The following MTSS1 variants were observed in gnomAD, a reference collection of about 807,000 sequenced individuals.
MTSS1 encodes the protein MTSS I-BAR domain containing 1, also known as protein MTSS 1.
MTSS1 carries 18 observed loss-of-function variants against 79.0 expected under a neutral mutation model. The ratio of observed to expected loss-of-function variants is 0.23; its 90% confidence interval spans 0.16 to 0.34. The LOEUF (loss-of-function observed/expected upper bound fraction) is 0.34. Among genes scored for constraint, MTSS1 ranks in the 10% least tolerant of loss-of-function variants. MTSS1 has a pLI of 1.00. For synonymous variants in MTSS1, 341 were observed against 368.6 expected (o/e 0.93, Z 0.86); for missense variants, 815 against 986.2 (o/e 0.83, Z 2.33).
intron 3 of MTSS1, among the ~76,000 whole-genome samples, chr8:124,697,201 C>T (rs1828973454): frequency 6.6e-6 from 1 of 151,822 alleles, no homozygotes; most frequent in Admixed American, 6.6e-5. Context: ...TATCACAGAG[C>T]CTCAAACATG....
At chr8:124,583,803 A>G (rs1363018556) in intron 6 of MTSS1, among the ~76,000 whole-genome samples, 1 of 152,200 alleles carries the variant, frequency 6.6e-6, no homozygotes, top group African/African-American at 2.4e-5. Context: ...TCCGGGCCTC[A>G]GACTTCATGG....
chr8:124,624,770 C>G (rs1373589885), intron 3 of MTSS1, among the ~76,000 whole-genome samples: 4 of 152,172 alleles, frequency 2.6e-5, no homozygotes, highest in African/African-American at 7.2e-5. Context: ...AAATGCGAAA[C>G]TGAAGCTGAC....
Position 124,723,005 on chromosome 8 carries a change from A to G in MTSS1, c.72+4879T>C, listed in dbSNP as rs114179910. ...AAGCATCTAATGAATCAATAGTTTCAACCTTTTCACCCTCCAAGCATTTTA... is the reference window on the plus strand; with the variant it reads ...AAGCATCTAATGAATCAATAGTTTCGACCTTTTCACCCTCCAAGCATTTTA... On this transcript the variant is annotated intron_variant, in intron 1 of 13. Transcript: ENST00000518547. Among the ~76,000 whole-genome samples the G allele has an allele frequency of 5.4e-3, 830 of 152,332 alleles. 7 individuals are homozygous for G. Among genetic ancestry groups the G allele is most frequent in the African/African-American group, 0.016 (646 of 41,568 alleles).
At chr8:124,692,328 AG>A (rs1200015939) in intron 3 of MTSS1, among the ~76,000 whole-genome samples, 1 of 152,088 alleles carries the variant, frequency 6.6e-6, no homozygotes, top group Admixed American at 6.5e-5. Flanking sequence ...AATTTATCAA[AG>A]TATCATATGT....
At chr8:124,627,458 T>C (rs1814926656) in intron 3 of MTSS1, among the ~76,000 whole-genome samples, 1 of 152,208 alleles carries the variant, frequency 6.6e-6, no homozygotes, top group Non-Finnish European at 1.5e-5. Context: ...TGATCCACAG[T>C]CACAAAGGGA....
chr8:124,626,685 C>T (rs1563888546), intron 3 of MTSS1, among the ~76,000 whole-genome samples: 2 of 151,752 alleles, frequency 1.3e-5, no homozygotes, highest in South Asian at 2.1e-4. Flanking sequence ...GAGGTGCACC[C>T]GGTCATGGGA....
At chr8:124,599,509 G>C (rs1833397824) in intron 3 of MTSS1, among the ~76,000 whole-genome samples, 1 of 149,024 alleles carries the variant, frequency 6.7e-6, no homozygotes, top group South Asian at 2.1e-4. Context: ...AAAAGAGAGA[G>C]AGAAAGAAAA....
intron 3 of MTSS1, among the ~76,000 whole-genome samples, chr8:124,598,457 G>T (rs1833150462): frequency 6.6e-6 from 1 of 152,070 alleles, no homozygotes; most frequent in South Asian, 2.1e-4. Context: ...GTGAGCACTG[G>T]CGTAGGAACA....
chr8:124,587,700 T>C (rs892662166), intron 5 of MTSS1, among the ~76,000 whole-genome samples: 1 of 152,142 alleles, frequency 6.6e-6, no homozygotes, highest in Non-Finnish European at 1.5e-5. Flanking sequence ...AGGTGGGGTT[T>C]TGCCATGTTG....
At chr8:124,704,089 G>A in intron 2 of MTSS1, 41 bp downstream of exon 2, 1 of 1,583,842 alleles carries the variant, frequency 6.3e-7, no homozygotes, top group Non-Finnish European at 8.7e-7. Context: ...CCTTGTCTGA[G>A]GATGTTGTCC....
In MTSS1 at chr8:124,551,575, G is replaced by C. The variant is rs1409271517; in HGVS notation, c.*1417C>G. 1 of 152,590 alleles carries C rather than the reference G, an allele frequency of 6.6e-6. No individual in the cohort carries two copies. The highest frequency in any genetic ancestry group is 2.1e-4 in the South Asian group (1 of 4,828). 9.5% of individuals were successfully genotyped at this position (152,590 alleles called of 1,614,324 possible). Reference sequence around the variant, plus strand: ...CTCCTCCTCTGCCTTGAGAGGGTTCGGTCAGAAATGTGCCCTGTTATGACC... The same window carrying C: ...CTCCTCCTCTGCCTTGAGAGGGTTCCGTCAGAAATGTGCCCTGTTATGACC... On this transcript the variant is annotated 3_prime_UTR_variant, in exon 14 of 14. Coordinates refer to ENST00000518547, the MANE Select transcript of MTSS1 (RefSeq NM_014751.6).
chr8:124,721,532 A>G (rs1490390968), intron 1 of MTSS1, among the ~76,000 whole-genome samples: 1 of 150,146 alleles, frequency 6.7e-6, no homozygotes, highest in Non-Finnish European at 1.5e-5. Flanking sequence ...GCCTCAGCCT[A>G]CTGAGTAGCT....
At chr8:124,635,775 G>A (rs1816862877) in intron 3 of MTSS1, among the ~76,000 whole-genome samples, 1 of 151,954 alleles carries the variant, frequency 6.6e-6, no homozygotes, top group South Asian at 2.1e-4. Context: ...TGCCCTATTT[G>A]TAGATGGAAT....
At position 124,723,644 on chromosome 8, in the gene MTSS1, C is replaced by T. The variant is rs568835782; in HGVS notation, c.72+4240G>A. ...GTCCTAAATCTCTGGGCACCCATCC[C>T]AGGCAGTTCCTGCTGTCGATTTTAT... On this transcript the variant is annotated intron_variant, in intron 1 of 13. Coordinates refer to ENST00000518547, the MANE Select transcript of MTSS1 (RefSeq NM_014751.6). Among the ~76,000 whole-genome samples, 11 of 152,332 alleles carry T rather than the reference C, an allele frequency of 7.2e-5. No homozygotes were observed. The East Asian group carries it at 1.9e-3, about 27-fold the overall frequency.
intron 3 of MTSS1, among the ~76,000 whole-genome samples, chr8:124,625,475 G>A (rs1373859588): frequency 1.3e-5 from 2 of 152,190 alleles, no homozygotes; most frequent in Non-Finnish European, 2.9e-5. Flanking sequence ...GGAACCTAAG[G>A]ATCGCAAATG....
intron 1 of MTSS1, among the ~76,000 whole-genome samples, chr8:124,718,462 TC>T (rs1832429799): frequency 6.6e-6 from 1 of 152,066 alleles, no homozygotes; most frequent in Non-Finnish European, 1.5e-5. Flanking sequence ...TGCTCCCCGC[TC>T]CCTGTTTCCT....
intron 3 of MTSS1, among the ~76,000 whole-genome samples, chr8:124,652,808 A>C (rs1443723772): frequency 6.6e-6 from 1 of 151,986 alleles, no homozygotes; most frequent in East Asian, 1.9e-4. Flanking sequence ...AAAAAAAAAA[A>C]AAAAACACAG....
chr8:124,720,839 G>A (rs892248007), intron 1 of MTSS1, among the ~76,000 whole-genome samples: 16 of 152,158 alleles, frequency 1.1e-4, no homozygotes, highest in Admixed American at 3.3e-4. Context: ...GTGGACGTTC[G>A]CCAGGCAATG....
intron 1 of MTSS1, among the ~76,000 whole-genome samples, chr8:124,706,249 C>T (rs1332352529): frequency 2.6e-5 from 4 of 152,242 alleles, no homozygotes; most frequent in African/African-American, 4.8e-5. Flanking sequence ...AATATTAATA[C>T]GGGTTACTTC....
Sources: allele counts gnomAD v4.1 joint callset (sites outside exome capture counted in the v4.1 genomes callset), GRCh38; gene constraint gnomAD v4.1.1; transcripts MANE v1.5; gene names NCBI Gene and HGNC (gene_info 2026-07-23, HGNC 2026-07-21).